MAP3K13: variants seen among roughly 807,000 people sequenced by gnomAD.
The protein encoded by MAP3K13 is leucine zipper-bearing kinase.
MAP3K13 carries 52 observed loss-of-function variants against 104.0 expected under a neutral mutation model. That is an observed-to-expected ratio of 0.50 (90% CI 0.40 to 0.63). The LOEUF (loss-of-function observed/expected upper bound fraction) is 0.63. MAP3K13 is among the 20% of genes least tolerant of loss of function. The probability of loss-of-function intolerance (pLI) is 0.00; values close to 1 mark genes in which losing one functional copy is unlikely to be tolerated. For missense variants in MAP3K13, 914 were observed against 1,218.5 expected, an observed-to-expected ratio of 0.75 and a Z score of 3.72; for synonymous variants, 394 against 442.2, an observed-to-expected ratio of 0.89 and a Z score of 1.37.
chr3:185,291,711 G>C lies in MAP3K13; in HGVS notation c.-86+6068G>C, dbSNP rs1243433888. 3 of 1,519,698 alleles carry C rather than the reference G, an allele frequency of 2.0e-6. No individual in the cohort carries two copies. In the African/African-American group the frequency reaches 4.2e-5, roughly 21 times the overall value. 94.1% of individuals were successfully genotyped at this position (1,519,698 alleles called of 1,614,324 possible). On this transcript the variant is annotated intron_variant, in intron 2 of 14. Transcript: ENST00000424227. ...ATCAAGACTTAGATCTTCTTCAGAA[G>C]CTTCAAGTCTCATCTGCATTAAAGC... is the stretch of plus-strand genomic sequence containing the variant.
At chr3:185,308,618 G>A (rs1182376936) in intron 2 of MAP3K13, among the ~76,000 whole-genome samples, 1 of 152,152 alleles carries the variant, frequency 6.6e-6, no homozygotes, top group Non-Finnish European at 1.5e-5. Flanking sequence ...TGAACTCTCC[G>A]CTGTTCTCAG....
At chr3:185,301,597 C>G (rs577257910) in intron 2 of MAP3K13, among the ~76,000 whole-genome samples, 74 of 152,330 alleles carry the variant, frequency 4.9e-4, no homozygotes, top group African/African-American at 1.7e-3. Context: ...TCAGGTCTTA[C>G]AGTTAGGCCT....
At chr3:185,455,476 A>T in intron 7 of MAP3K13, among the ~76,000 whole-genome samples, 1 of 91,956 alleles carries the variant, frequency 1.1e-5, no homozygotes, top group South Asian at 3.6e-4. Context: ...AGATATATAC[A>T]TGATATATAT....
chr3:185,360,908 C>T (rs1723581250), upstream of MAP3K13, among the ~76,000 whole-genome samples: 1 of 144,050 alleles, frequency 6.9e-6, no homozygotes, highest in South Asian at 2.2e-4. Flanking sequence ...CTCACTGCAA[C>T]CTCTGCCTCC....
intron 1 of MAP3K13, among the ~76,000 whole-genome samples, chr3:185,403,101 A>G (rs1009201875): frequency 1.3e-5 from 2 of 152,244 alleles, no homozygotes; most frequent in Non-Finnish European, 2.9e-5. Flanking sequence ...TCAGCTATAC[A>G]TAGAGTGCTT....
intron 2 of MAP3K13, among the ~76,000 whole-genome samples, chr3:185,340,154 G>A (rs1198769957): frequency 6.6e-6 from 1 of 152,128 alleles, no homozygotes; most frequent in Non-Finnish European, 1.5e-5. Context: ...GCATTATACT[G>A]AGCACGAGAT....
intron 2 of MAP3K13, among the ~76,000 whole-genome samples, chr3:185,430,029 G>A (rs1293352486): frequency 3.9e-5 from 6 of 151,992 alleles, no homozygotes; most frequent in East Asian, 1.9e-4. Flanking sequence ...GTGATACCCC[G>A]TCTCTATTAA....
intron 11 of MAP3K13, 47 bp from the exon 12 acceptor site, chr3:185,477,279 A>G: frequency 8.3e-7 from 1 of 1,206,534 alleles, no homozygotes; most frequent in Non-Finnish European, 1.2e-6. Context: ...TGAGAGAGAC[A>G]GAGTGACACT....
chr3:185,346,518 A>G (rs537279635), intron 2 of MAP3K13, among the ~76,000 whole-genome samples: 43 of 152,252 alleles, frequency 2.8e-4, no homozygotes, highest in South Asian at 1.7e-3. Context: ...TAAGTGTTCT[A>G]TTGAATAGTT....
chr3:185,474,622 T>C (rs1718004126), intron 11 of MAP3K13, among the ~76,000 whole-genome samples: 1 of 152,186 alleles, frequency 6.6e-6, no homozygotes, highest in East Asian at 1.9e-4. Context: ...GGCACTAGCT[T>C]TCTTCACACT....
chr3:185,454,615 T>TATATATATG (rs2148901601), intron 7 of MAP3K13, among the ~76,000 whole-genome samples: 1 of 46,906 alleles, frequency 2.1e-5, no homozygotes, highest in East Asian at 4.7e-4. Flanking sequence ...ATATATATGA[T>TATATATATG]ATATATATGA....
At chr3:185,480,141 A>G in intron 12 of MAP3K13, 91 bp from the exon 13 acceptor site, 2 of 1,270,134 alleles carry the variant, frequency 1.6e-6, no homozygotes, top group Non-Finnish European at 2.2e-6. Flanking sequence ...GGAAAAAACT[A>G]GATTATCTCT....
chr3:185,416,972 T>G (rs1240736084), intron 1 of MAP3K13, among the ~76,000 whole-genome samples: 1 of 152,046 alleles, frequency 6.6e-6, no homozygotes, highest in Non-Finnish European at 1.5e-5. Context: ...TTCTTTTAAA[T>G]TTTGGGTTTA....
At chr3:185,471,712 G>A (rs1486977767) in intron 10 of MAP3K13, among the ~76,000 whole-genome samples, 5 of 151,396 alleles carry the variant, frequency 3.3e-5, no homozygotes, top group Admixed American at 6.6e-5. Context: ...CACCTGCCTC[G>A]GCCTCCCAAA....
intron 2 of MAP3K13, among the ~76,000 whole-genome samples, chr3:185,353,926 A>G (rs368134693): frequency 1.3e-5 from 2 of 152,136 alleles, no homozygotes; most frequent in South Asian, 2.1e-4. Flanking sequence ...CATTCCATCA[A>G]AGAGAAGAAA....
At chr3:185,356,527 C>G (rs185725360) in intron 2 of MAP3K13, among the ~76,000 whole-genome samples, 3 of 152,176 alleles carry the variant, frequency 2.0e-5, no homozygotes, top group Non-Finnish European at 4.4e-5. Flanking sequence ...TATCTCTGGT[C>G]TGCTTTCCTC....
intron 1 of MAP3K13, among the ~76,000 whole-genome samples, chr3:185,402,981 T>G (rs1712902377): frequency 1.3e-5 from 2 of 152,268 alleles, no homozygotes; most frequent in South Asian, 4.2e-4. Flanking sequence ...ATCTGACGCA[T>G]GCAAAAGGCA....
chr3:185,471,112 T>C (rs947423028), intron 10 of MAP3K13, among the ~76,000 whole-genome samples: 7 of 152,176 alleles, frequency 4.6e-5, no homozygotes, highest in Non-Finnish European at 1.0e-4. Flanking sequence ...TTTGATGAGA[T>C]GAATGAGCAG....
chr3:185,417,750 C>G, intron 1 of MAP3K13: 1 of 1,612,550 alleles, frequency 6.2e-7, no homozygotes, highest in Non-Finnish European at 8.5e-7. Flanking sequence ...GATTCCTGGC[C>G]TGGCGAAGAA....
Sources: allele counts gnomAD v4.1 joint callset (sites outside exome capture counted in the v4.1 genomes callset), GRCh38; gene constraint gnomAD v4.1.1; transcripts MANE v1.5; gene names NCBI Gene and HGNC (gene_info 2026-07-23, HGNC 2026-07-21).